TLDC2: variants seen among roughly 807,000 people sequenced by gnomAD.
TLDC2 encodes TLD domain-containing protein 2.
TLDC2 carries 23 observed loss-of-function variants against 27.9 expected under a neutral mutation model. The ratio of observed to expected loss-of-function variants is 0.82; its 90% CI spans 0.59 to 1.17. The LOEUF is 1.17. Ranked by LOEUF, TLDC2 falls within the 50% of genes most tolerant of loss-of-function variation. The pLI is 0.00. For synonymous variants in TLDC2, 124 were observed against 107.4 expected (o/e 1.16, Z -0.96); for missense variants, 286 against 273.4 (o/e 1.05, Z -0.32).
chr20:36,877,348 T>A (rs1209929793), intron 1 of TLDC2, among the ~76,000 whole-genome samples: 1 of 135,972 alleles, frequency 7.4e-6, no homozygotes, highest in African/African-American at 2.8e-5. Flanking sequence ...ACCTCTGAAC[T>A]CCAGCCTGGG....
At chr20:36,892,792 G>T (rs1314819468) in intron 6 of TLDC2, 70 bp from the exon 7 acceptor site, 8 of 1,073,374 alleles carry the variant, frequency 7.5e-6, no homozygotes, top group South Asian at 1.3e-5. Flanking sequence ...TTGATTAAAA[G>T]TTACTTAGCT....
intron 5 of TLDC2, 78 bp downstream of exon 5, chr20:36,887,606 G>C (rs1601101876): frequency 1.4e-6 from 2 of 1,407,930 alleles, no homozygotes; most frequent in East Asian, 4.6e-5. Context: ...GCTGGGCTAG[G>C]CTGCCCTTGA....
At chr20:36,880,617 C>T in intron 3 of TLDC2, 38 bp from the exon 4 acceptor site, 2 of 1,575,150 alleles carry the variant, frequency 1.3e-6, no homozygotes, top group East Asian at 2.2e-5. Context: ...GGACCCCTAG[C>T]TCCCTTCCAG....
At chr20:36,884,288 C>G (rs1283995199) in intron 4 of TLDC2, among the ~76,000 whole-genome samples, 1 of 152,224 alleles carries the variant, frequency 6.6e-6, no homozygotes, top group Non-Finnish European at 1.5e-5. Flanking sequence ...TCCAACCACA[C>G]TGGCCTCTGA....
rs977270405 is a variant in TLDC2, at chr20:36,894,152, G to T, written c.*1308G>T. The T allele has an allele frequency of 7.7e-6, 3 of 391,874 alleles. No homozygotes were observed. The highest frequency in any genetic ancestry group is 7.3e-5 in the East Asian group (2 of 27,508). The allele number at this position is 391,874 out of a possible 1,614,324, so 24.3% of individuals were successfully genotyped here. On this transcript the variant is annotated 3_prime_UTR_variant, in exon 7 of 7. Transcript: ENST00000217320. Reference sequence around the variant, plus strand: ...CTCATTTAGCTCTGCCAAAACTTTTGTATCTCACCCCCATGTTAAATTTTT... The same window carrying T: ...CTCATTTAGCTCTGCCAAAACTTTTTTATCTCACCCCCATGTTAAATTTTT...
At chr20:36,880,070 C>CATATATATATATATGTATATAT (rs1989768064) in intron 3 of TLDC2, among the ~76,000 whole-genome samples, 2 of 73,054 alleles carry the variant, frequency 2.7e-5, no homozygotes, top group African/African-American at 9.4e-5. Context: ...TATATATATA[C>CATATATATATATATGTATATAT]ATATATATAT....
chr20:36,888,242 T>G (rs550125360), intron 5 of TLDC2, among the ~76,000 whole-genome samples: 1 of 151,332 alleles, frequency 6.6e-6, no homozygotes, highest in Non-Finnish European at 1.5e-5. Context: ...TGCCATTTTG[T>G]TTTTTTTGAG....
chr20:36,880,354 C>A (rs761209994), intron 3 of TLDC2, among the ~76,000 whole-genome samples: 3 of 151,848 alleles, frequency 2.0e-5, no homozygotes, highest in African/African-American at 7.3e-5. Flanking sequence ...CCAGCCTCCC[C>A]CAAAGTGCTG....
chr20:36,890,418 C>CTTTCTTTCTTTCT (rs1555830170), intron 6 of TLDC2: 1 of 17,774 alleles, frequency 5.6e-5, no homozygotes, highest in East Asian at 2.2e-3. Context: ...TTCTTTCTTT[C>CTTTCTTTCTTTCT]TTTTCTTTCT....
intron 3 of TLDC2, 58 bp from the exon 4 acceptor site, chr20:36,880,597 G>A: frequency 1.4e-6 from 2 of 1,445,524 alleles, no homozygotes; most frequent in African/African-American, 1.4e-5. Flanking sequence ...GAAGAATGAG[G>A]GTTGCCAGAG....
chr20:36,884,093 T>TAAAC (rs202015981), intron 4 of TLDC2, among the ~76,000 whole-genome samples: 14,823 of 151,738 alleles, frequency 0.098, 965 homozygotes, highest in Middle Eastern at 0.17. Flanking sequence ...GACTCTGTCT[T>TAAAC]AAACAAACAA....
intron 1 of TLDC2, among the ~76,000 whole-genome samples, 179 bp from the exon 2 acceptor site, chr20:36,877,720 C>T (rs566169486): frequency 2.7e-3 from 413 of 152,300 alleles, no homozygotes; most frequent in Middle Eastern, 0.01. Flanking sequence ...AGCAGGCTGG[C>T]GGCAGGGGCA....
rs1321467686 is a variant in TLDC2, at chr20:36,889,755, A to G, written c.*17+352A>G. 1.8e-5 allele frequency: 3 copies of G among 169,532 alleles called. No homozygotes were observed. The Admixed American group carries it at 1.9e-4, about 11-fold the overall frequency. 10.5% of individuals were successfully genotyped at this position (169,532 alleles called of 1,614,324 possible). A position where few individuals can be genotyped will look rare whatever the true frequency, so the allele number is the denominator to read the frequency against. ...GCCAGCTACTGAACGAGGAAAACCA[A>G]CCTCATGAACATTATCATTTTAGAG... On this transcript the variant is annotated intron_variant, in intron 6 of 6. Transcript: ENST00000217320.
In TLDC2 at chr20:36,880,675, C is replaced by A; in HGVS notation, c.363C>A (p.Ser121=). 1 of 1,614,226 alleles carries A rather than the reference C, an allele frequency of 6.2e-7. No individual in the cohort carries two copies. Among genetic ancestry groups the A allele is most frequent in the Non-Finnish European group, 8.5e-7 (1 of 1,180,024 alleles). Residue 121 remains serine, a synonymous_variant, in exon 4 of 7, where the codon TCC becomes TCA. Coordinates refer to ENST00000217320, the MANE Select transcript of TLDC2 (RefSeq NM_080628.3). ...TCCAGATATTTGGAGCCTTCTCCTC[C>A]TCGGCTATCCGACTCAGCAAAGGCT... The part of the protein sequence containing the change: ...QDGQIFGAFS[S]SAIRLSKGFY...
At chr20:36,880,939 G>A (rs1014658290) in intron 4 of TLDC2, among the ~76,000 whole-genome samples, 189 bp downstream of exon 4, 5 of 152,250 alleles carry the variant, frequency 3.3e-5, no homozygotes, top group Admixed American at 1.3e-4. Context: ...CATTTAAAAC[G>A]TATTTGGTGG....
intron 4 of TLDC2, among the ~76,000 whole-genome samples, chr20:36,882,593 T>G (rs1989839403): frequency 6.6e-6 from 1 of 152,134 alleles, no homozygotes; most frequent in African/African-American, 2.4e-5. Flanking sequence ...CTATTAGAGA[T>G]CTCTCCAATG....
At chr20:36,880,101 A>ATATATATATATATATATAG in intron 3 of TLDC2, among the ~76,000 whole-genome samples, 1 of 24,152 alleles carries the variant, frequency 4.1e-5, no homozygotes, top group South Asian at 2.3e-3. Flanking sequence ...ATATATATAT[A>ATATATATATATATATATAG]CTTTTTTTTT....
intron 2 of TLDC2, among the ~76,000 whole-genome samples, chr20:36,878,308 C>T (rs551419557): frequency 1.1e-3 from 164 of 152,270 alleles, no homozygotes; most frequent in South Asian, 1.9e-3. Context: ...AGGACGGGCG[C>T]GGTGGCTCAC....
At chr20:36,886,498 C>T (rs955757397) in intron 4 of TLDC2, among the ~76,000 whole-genome samples, 2 of 152,206 alleles carry the variant, frequency 1.3e-5, no homozygotes, top group African/African-American at 4.8e-5. Context: ...GAGGCTGAGG[C>T]AGGGGAATCG....
Sources: allele counts gnomAD v4.1 joint callset (sites outside exome capture counted in the v4.1 genomes callset), GRCh38; gene constraint gnomAD v4.1.1; transcripts MANE v1.5; gene names NCBI Gene and HGNC (gene_info 2026-07-23, HGNC 2026-07-21).